Variants in N4BP3 observed in about 807,000 individuals in gnomAD.
N4BP3 encodes NEDD4 binding protein 3.
N4BP3 carries 33 observed loss-of-function variants against 43.8 expected under a neutral mutation model. The ratio of observed to expected loss-of-function variants is 0.75; its 90% CI spans 0.57 to 1.01. N4BP3 has a LOEUF of 1.01. Among genes scored for constraint, N4BP3 ranks in the 50% least tolerant of loss-of-function variants. The pLI is 0.00. For synonymous variants in N4BP3, 326 were observed against 321.9 expected (o/e 1.01, Z -0.14); for missense variants, 756 against 744.2 (o/e 1.02, Z -0.18).
Position 178,121,533 on chromosome 5 carries a change from G to A in N4BP3, c.1167G>A (p.Ala389=), listed in dbSNP as rs1235509090. The A allele has an allele frequency of 2.5e-6, 4 of 1,613,748 alleles. No individual in the cohort carries two copies. In the Admixed American group the frequency reaches 5.0e-5, roughly 20 times the overall value. The change falls in exon 5 of 5, where the codon GCG becomes GCA. Residue 389 remains alanine, a synonymous_variant. Transcript: ENST00000274605. ...AGCAGCAGCTGCGTGAAGCCCAGGC[G>A]GAACTGGCCCAGAAGCTGGCGGAGA... ...LLKQQLREAQ[A]ELAQKLAEIF...
intron 1 of N4BP3, among the ~76,000 whole-genome samples, chr5:178,117,962 C>T (rs1757811062): frequency 6.6e-6 from 1 of 152,156 alleles, no homozygotes; most frequent in South Asian, 2.1e-4. Flanking sequence ...AACCTCCTAA[C>T]GACCATTGTT....
At position 178,119,681 on chromosome 5, in the gene N4BP3, T is replaced by G; in HGVS notation, c.98T>G (p.Leu33Arg). The G allele has an allele frequency of 6.2e-7, 1 of 1,611,352 alleles. No homozygotes were observed. The highest frequency in any genetic ancestry group is 1.1e-5 in the South Asian group (1 of 90,940). Residue 33 changes from leucine to arginine, a missense_variant, in exon 2 of 5, where the codon CTT becomes CGT. Coordinates refer to ENST00000274605, the MANE Select transcript of N4BP3 (RefSeq NM_015111.2). ...DFSPEELRAA[L>R]AGSRGSRQPD... ...TCCCCTGAAGAGCTGCGGGCGGCAC[T>G]TGCCGGGTCTCGGGGCTCCCGCCAG...
At chr5:178,114,215 G>A (rs2113274933) in intron 1 of N4BP3, among the ~76,000 whole-genome samples, 1 of 152,286 alleles carries the variant, frequency 6.6e-6, no homozygotes, top group Middle Eastern at 3.4e-3. Flanking sequence ...CGCCCCCCAG[G>A]TAGCTCCGGG....
Position 178,122,729 on chromosome 5 carries a change from T to A in N4BP3, c.*728T>A, listed in dbSNP as rs1430802550. ...ATTTTGAGAACATGAAATGTCTTCTTGGTGGGAAGGCTGGGCCCCAGGAGT... is the reference window on the plus strand; with the variant it reads ...ATTTTGAGAACATGAAATGTCTTCTAGGTGGGAAGGCTGGGCCCCAGGAGT... On this transcript the variant is annotated 3_prime_UTR_variant, in exon 5 of 5. Coordinates refer to ENST00000274605, the MANE Select transcript of N4BP3 (RefSeq NM_015111.2). 1.3e-5 allele frequency: 2 copies of A among 152,196 alleles called. No homozygotes were observed. Among genetic ancestry groups the A allele is most frequent in the Non-Finnish European group, 2.9e-5 (2 of 68,046 alleles). The allele number at this position is 152,196 out of a possible 1,614,324, so 9.4% of individuals were successfully genotyped here. A position where few individuals can be genotyped will look rare whatever the true frequency, so the allele number is the denominator to read the frequency against.
Position 178,119,882 on chromosome 5 carries a change from C to A in N4BP3, c.299C>A (p.Thr100Asn). The A allele has an allele frequency of 6.2e-7, 1 of 1,611,088 alleles. No individual in the cohort carries two copies. Among genetic ancestry groups the A allele is most frequent in the South Asian group, 1.1e-5 (1 of 91,042 alleles). Reference protein sequence around the residue: ...EHSRAGDFSKTSLPERGRFDK... With the variant: ...EHSRAGDFSKNSLPERGRFDK... ...TCTCGCGCGGGTGACTTCAGCAAGA[C>A]CTCGCTGCCAGAACGGGGTCGCTTT... The change falls in exon 2 of 5, where the codon ACC (threonine) becomes AAC (asparagine). Residue 100 changes from threonine (T) to asparagine (N), a missense_variant. Thr to Asn is a moderately conservative substitution (Grantham distance 65). Coordinates refer to ENST00000274605, the MANE Select transcript of N4BP3 (RefSeq NM_015111.2).
In N4BP3 at chr5:178,124,349, C is replaced by A. The variant is rs1581096522; in HGVS notation, c.*2348C>A. 6.5e-6 allele frequency: 1 copy of A among 152,686 alleles called. No homozygotes were observed. The highest frequency in any genetic ancestry group is 1.5e-5 in the Non-Finnish European group (1 of 68,100). 9.5% of individuals were successfully genotyped at this position (152,686 alleles called of 1,614,324 possible). A position where few individuals can be genotyped will look rare whatever the true frequency, so the allele number is the denominator to read the frequency against. On this transcript the variant is annotated 3_prime_UTR_variant, in exon 5 of 5. Coordinates refer to ENST00000274605, the MANE Select transcript of N4BP3 (RefSeq NM_015111.2). Reference sequence around the variant, plus strand: ...AGAGCTGAACCTGAGCCTGGGGCGTCTCGGAGCTGGATCCCCGTCAGCTCA... The same window carrying A: ...AGAGCTGAACCTGAGCCTGGGGCGTATCGGAGCTGGATCCCCGTCAGCTCA...
chr5:178,118,483 C>G lies in N4BP3; in HGVS notation c.-30-1071C>G, dbSNP rs1757824345. On this transcript the variant is annotated intron_variant, in intron 1 of 4. Transcript: ENST00000274605. The surrounding 1 kb of genome is among the most constrained non-coding windows in gnomAD (Gnocchi z 5.4). ...GCCAGGGTTAGGATTTGGGACCCACCCTGCCGGGTGGTGGGCTTTGGAATA... is the reference window on the plus strand; with the variant it reads ...GCCAGGGTTAGGATTTGGGACCCACGCTGCCGGGTGGTGGGCTTTGGAATA... 6.6e-6 allele frequency among the ~76,000 whole-genome samples: 1 copy of G among 152,184 alleles called. No individual in the cohort carries two copies. The highest frequency in any genetic ancestry group is 1.5e-5 in the Non-Finnish European group (1 of 68,032).
rs1757906222 is a variant in N4BP3 at position 178,121,008 on chromosome 5, G to A, written c.853-90G>A. On this transcript the variant is annotated intron_variant, in intron 3 of 4. Transcript: ENST00000274605. ...CTGGGTCCTGTGGTGTAGGGGCACA[G>A]GATATGATCAGTGGCTGGAGTATCA... 12 of 1,490,402 alleles carry A rather than the reference G, an allele frequency of 8.1e-6. No individual in the cohort carries two copies. The East Asian group carries it at 2.6e-4, about 32-fold the overall frequency. 92.3% of individuals were successfully genotyped at this position (1,490,402 alleles called of 1,614,324 possible). A position where few individuals can be genotyped will look rare whatever the true frequency, so the allele number is the denominator to read the frequency against.
intron 1 of N4BP3, among the ~76,000 whole-genome samples, chr5:178,117,464 A>G (rs1757797510): frequency 6.6e-6 from 1 of 152,016 alleles, no homozygotes; most frequent in Non-Finnish European, 1.5e-5. Flanking sequence ...AAGGGTCAAT[A>G]GCTGGGCACA....
At chr5:178,116,721 C>T (rs1036273323) in intron 1 of N4BP3, among the ~76,000 whole-genome samples, 1 of 152,164 alleles carries the variant, frequency 6.6e-6, no homozygotes, top group African/African-American at 2.4e-5. Flanking sequence ...CAGGGACTTT[C>T]CCTGGACCTG....
intron 1 of N4BP3, among the ~76,000 whole-genome samples, chr5:178,117,838 G>A (rs1007244582): frequency 6.6e-6 from 1 of 152,070 alleles, no homozygotes; most frequent in African/African-American, 2.4e-5. Context: ...TTGGGGGAGA[G>A]CTGAGGTCAT....
rs774072696 is a variant in N4BP3, at chr5:178,119,773, A to G, written c.190A>G (p.Lys64Glu). The change falls in exon 2 of 5, where the codon AAG (lysine) becomes GAG (glutamate). Residue 64 changes from lysine (K) to glutamate (E), a missense_variant. Coordinates refer to ENST00000274605, the MANE Select transcript of N4BP3 (RefSeq NM_015111.2). ...CCTCAGCTACCTGCACCTCCCCAAGAAGGACAGCAAGAGCACCAAGAACAC... is the reference window on the plus strand; with the variant it reads ...CCTCAGCTACCTGCACCTCCCCAAGGAGGACAGCAAGAGCACCAAGAACAC... ...EFLSYLHLPK[K>E]DSKSTKNTKR... 6.2e-7 allele frequency: 1 copy of G among 1,613,612 alleles called. No homozygotes were observed. The highest frequency in any genetic ancestry group is 8.5e-7 in the Non-Finnish European group (1 of 1,180,014).
At chr5:178,119,474 G>A (rs1757853254) in intron 1 of N4BP3, 80 bp from the exon 2 acceptor site, 1 of 1,063,126 alleles carries the variant, frequency 9.4e-7, no homozygotes. Flanking sequence ...GCTACAGGGA[G>A]CAAGTACCTT....
rs1399146680 is a variant in N4BP3, at chr5:178,124,200, TC to T, written c.*2203del. 1.3e-5 allele frequency: 2 copies of T among 152,502 alleles called. No homozygotes were observed. The highest frequency in any genetic ancestry group is 3.9e-4 in the East Asian group (2 of 5,174). 9.4% of individuals were successfully genotyped at this position (152,502 alleles called of 1,614,324 possible). A position where few individuals can be genotyped will look rare whatever the true frequency, so the allele number is the denominator to read the frequency against. On this transcript the variant is annotated 3_prime_UTR_variant, in exon 5 of 5. Transcript: ENST00000274605. ...TGGTATACCAGCTCGGCAGAACAGTTCCCCACCCAGCGATTAGGGAGCTGGG... is the reference window on the plus strand; with the variant it reads ...TGGTATACCAGCTCGGCAGAACAGTTCCCACCCAGCGATTAGGGAGCTGGG...
In N4BP3 at chr5:178,125,859, C is replaced by T. The variant is rs2113340384; in HGVS notation, c.*3858C>T. 1.3e-5 allele frequency: 2 copies of T among 151,888 alleles called. No individual in the cohort carries two copies. The highest frequency in any genetic ancestry group is 2.4e-5 in the African/African-American group (1 of 41,428). 9.4% of individuals were successfully genotyped at this position (151,888 alleles called of 1,614,324 possible). On this transcript the variant is annotated 3_prime_UTR_variant, in exon 5 of 5. Coordinates refer to ENST00000274605, the MANE Select transcript of N4BP3 (RefSeq NM_015111.2). ...GCCCCACCCCAGCCCCTGGCAACCA[C>T]TGATCTGCTTTCACAATAACCGTAT...
At position 178,121,419 on chromosome 5, in the gene N4BP3, C is replaced by T. The variant is rs555319646; in HGVS notation, c.1108-55C>T. ...TGCCGGTCCCTTCTTCTGCCTGCCCCCTCCCAAACCGGCTCCCCACACCCT... is the reference window on the plus strand; with the variant it reads ...TGCCGGTCCCTTCTTCTGCCTGCCCTCTCCCAAACCGGCTCCCCACACCCT... On this transcript the variant is annotated intron_variant, in intron 4 of 4. Transcript: ENST00000274605. The T allele has an allele frequency of 6.3e-5, 101 of 1,613,376 alleles. No individual in the cohort carries two copies. The African/African-American group carries it at 1.0e-3, about 17-fold the overall frequency.
intron 3 of N4BP3, 108 bp downstream of exon 3, chr5:178,120,807 G>C: frequency 7.2e-7 from 1 of 1,388,788 alleles, no homozygotes; most frequent in Non-Finnish European, 9.5e-7. Context: ...ACACAAGAGA[G>C]CAAGAAAGGG....
In N4BP3 at chr5:178,125,329, A is replaced by G. The variant is rs1356700658; in HGVS notation, c.*3328A>G. On this transcript the variant is annotated 3_prime_UTR_variant, in exon 5 of 5. Coordinates refer to ENST00000274605, the MANE Select transcript of N4BP3 (RefSeq NM_015111.2). Reference sequence around the variant, plus strand: ...AGTGACTGGGGCCAGGCAGGCGGAAAAGAGAACAGAAGAGAATCCAGAAGT... The same window carrying G: ...AGTGACTGGGGCCAGGCAGGCGGAAGAGAGAACAGAAGAGAATCCAGAAGT... The G allele has an allele frequency of 6.6e-6, 1 of 152,502 alleles. No homozygotes were observed. The highest frequency in any genetic ancestry group is 1.5e-5 in the Non-Finnish European group (1 of 68,258). 9.4% of individuals were successfully genotyped at this position (152,502 alleles called of 1,614,324 possible).
rs762555857 is a variant in N4BP3 at position 178,120,586 on chromosome 5, C to G, written c.739C>G (p.Pro247Ala). ...GAGCTGCCTGCCCGAGCCACCACCC[C>G]CCTACGAGTTCTCCTGCTCCTCTGC... ...VLSCLPEPPPPYEFSCSSAEE... is the reference protein window; with the variant it reads ...VLSCLPEPPPAYEFSCSSAEE... The change falls in exon 3 of 5, where the codon CCC (proline) becomes GCC (alanine). Residue 247 changes from proline (P) to alanine (A), a missense_variant. By Grantham distance (27) the Pro-to-Ala change is conservative. Transcript: ENST00000274605. 9 of 1,612,720 alleles carry G rather than the reference C, an allele frequency of 5.6e-6. No homozygotes were observed. The highest frequency in any genetic ancestry group is 3.3e-5 in the Admixed American group (2 of 60,008).
Sources: gnomAD v4.1 joint callset for allele counts (sites outside exome capture counted in the v4.1 genomes callset) on GRCh38, gnomAD v4.1.1 for gene constraint, Gnocchi (gnomAD v3.1) non-coding constraint, MANE v1.5 for transcripts, NCBI Gene and HGNC (gene_info 2026-07-23, HGNC 2026-07-21) for gene names.